The following RRM2 variants were observed in gnomAD, a reference collection of about 807,000 sequenced individuals.
The protein encoded by RRM2 is ribonucleoside-diphosphate reductase subunit M2.
Under a neutral mutation model 45.9 loss-of-function variants are expected in RRM2, and 6 were observed. The ratio of observed to expected loss-of-function variants is 0.13; its 90% CI spans 0.07 to 0.26. The LOEUF (loss-of-function observed/expected upper bound fraction) is 0.26, where lower values mean the gene tolerates loss of function less well. RRM2 is among the 10% of genes least tolerant of loss of function. The probability of loss-of-function intolerance (pLI) is 1.00; values close to 1 mark genes in which losing one functional copy is unlikely to be tolerated. For missense variants in RRM2, 343 were observed against 489.5 expected (o/e 0.70, Z 2.82); for synonymous variants, 177 against 173.0 (o/e 1.02, Z -0.18).
In RRM2 at chr2:10,123,023, CCG is replaced by C; in HGVS notation, c.143_144del (p.Ala48GlufsTer13). ...GGGACCCGCGTCCTGGCCAGCAAGA[CCG>C]CGAGGAGGATCTTCCAGGAGCCCAC... On this transcript the variant is annotated frameshift_variant, in exon 2 of 10. Transcript: ENST00000304567. LOFTEE classifies it high-confidence loss of function. 6.4e-7 allele frequency: 1 copy of C among 1,567,140 alleles called. No individual in the cohort carries two copies. The highest frequency in any genetic ancestry group is 8.6e-7 in the Non-Finnish European group (1 of 1,163,502).
At chr2:10,199,653 G>A (rs905824248) in intron 3 of RRM2, among the ~76,000 whole-genome samples, 7 of 151,564 alleles carry the variant, frequency 4.6e-5, no homozygotes, top group African/African-American at 7.3e-5. Context: ...GGTGGCGGGC[G>A]CCTGAAGTCC....
intron 3 of RRM2, among the ~76,000 whole-genome samples, chr2:10,166,595 C>T (rs1220806241): frequency 1.3e-5 from 2 of 152,200 alleles, no homozygotes; most frequent in Non-Finnish European, 2.9e-5. Context: ...GAATTATGGT[C>T]CCATTTCACA....
rs749460609 is a variant in RRM2 at position 10,122,840 on chromosome 2, G to A, written c.42G>A (p.Pro14=). Residue 14 remains proline, a synonymous_variant, in exon 1 of 10, where the codon CCG becomes CCA. Coordinates refer to ENST00000304567, the MANE Select transcript of RRM2 (RefSeq NM_001034.4). ...TCCCGCTCGCGCCCATCACGGACCC[G>A]CAGCAGCTGCAGCTCTCGCCGCTGA... ...LRVPLAPITD[P]QQLQLSPLKG... The A allele has an allele frequency of 5.0e-6, 8 of 1,600,858 alleles. No homozygotes were observed. The highest frequency in any genetic ancestry group is 1.6e-4 in the Middle Eastern group (1 of 6,062).
At chr2:10,196,398 G>C (rs1190893614) in intron 3 of RRM2, among the ~76,000 whole-genome samples, 1 of 152,180 alleles carries the variant, frequency 6.6e-6, no homozygotes, top group African/African-American at 2.4e-5. Flanking sequence ...ATTAGGGATC[G>C]GCAGAGACCA....
chr2:10,139,587 G>T (rs745475571), upstream of RRM2, among the ~76,000 whole-genome samples: 1 of 152,152 alleles, frequency 6.6e-6, no homozygotes, highest in Admixed American at 6.5e-5. Context: ...AGTGGATTTG[G>T]GGTCTGTTCT....
At chr2:10,143,228 G>A (rs1663120810) in intron 3 of RRM2, among the ~76,000 whole-genome samples, 2 of 152,194 alleles carry the variant, frequency 1.3e-5, no homozygotes, top group South Asian at 4.1e-4. Context: ...CACACAGGCT[G>A]TTCCCTTAGC....
Position 10,129,085 on chromosome 2 carries a change from T to C in RRM2, c.948T>C (p.Asn316=), listed in dbSNP as rs1662843639. The change falls in exon 9 of 10, where the codon AAT becomes AAC. Residue 316 remains asparagine, a synonymous_variant. Transcript: ENST00000304567. The surrounding 1 kb of genome is among the most constrained non-coding windows in gnomAD (Gnocchi z 4.8). ...EALPVKLIGM[N]CTLMKQYIEF... ...TGCCTGTGAAGCTCATTGGGATGAA[T>C]TGCACTCTAATGAAGCAATACATTG... 1 of 1,614,176 alleles carries C rather than the reference T, an allele frequency of 6.2e-7. No individual in the cohort carries two copies. The highest frequency in any genetic ancestry group is 1.1e-5 in the South Asian group (1 of 91,082).
At chr2:10,125,766 T>C (rs1662765547) in intron 5 of RRM2, among the ~76,000 whole-genome samples, 1 of 152,180 alleles carries the variant, frequency 6.6e-6, no homozygotes, top group African/African-American at 2.4e-5. Flanking sequence ...AAGTAGCCGT[T>C]GTAGACTTTG....
At chr2:10,174,402 G>A (rs1252647986) in intron 3 of RRM2, among the ~76,000 whole-genome samples, 2 of 152,138 alleles carry the variant, frequency 1.3e-5, no homozygotes, top group African/African-American at 4.8e-5. Flanking sequence ...CACCAGCCGG[G>A]CCTTCAGTGA....
chr2:10,210,660 A>G, exon 4 of RRM2: 2 of 1,321,898 alleles, frequency 1.5e-6, no homozygotes, highest in Non-Finnish European at 2.0e-6. Flanking sequence ...GGGAAATGGA[A>G]CCCGCAAAGC....
In RRM2 at chr2:10,123,838, G is replaced by A; in HGVS notation, c.421G>A (p.Val141Ile). The change falls in exon 4 of 10, where the codon GTA (valine) becomes ATA (isoleucine). Residue 141 changes from valine (V) to isoleucine (I), a missense_variant. Around this residue, in one of 2 missense-constraint regions of RRM2, gnomAD observed 212 missense variants for 368.1 expected, o/e 0.58. Coordinates refer to ENST00000304567, the MANE Select transcript of RRM2 (RefSeq NM_001034.4). ...TTTCTTTGCAGCAAGCGATGGCATA[G>A]TAAATGAAAACTTGGTGAGTTTCCA... The part of the protein sequence containing the change: ...LAFFAASDGI[V>I]NENLVERFSQ... The A allele has an allele frequency of 6.3e-7, 1 of 1,587,962 alleles. No homozygotes were observed.
intron 3 of RRM2, among the ~76,000 whole-genome samples, chr2:10,147,915 C>T (rs937837275): frequency 6.6e-5 from 10 of 151,998 alleles, no homozygotes; most frequent in South Asian, 2.1e-4. Flanking sequence ...GAGGCTGAGG[C>T]GGGTGGATCA....
chr2:10,196,457 C>T (rs1380940895), intron 3 of RRM2, among the ~76,000 whole-genome samples: 2 of 152,190 alleles, frequency 1.3e-5, no homozygotes, highest in Non-Finnish European at 2.9e-5. Flanking sequence ...TGACCAGCAG[C>T]CGGCACTGCC....
intron 3 of RRM2, among the ~76,000 whole-genome samples, chr2:10,183,700 A>G (rs1664105753): frequency 6.6e-6 from 1 of 151,602 alleles, no homozygotes; most frequent in African/African-American, 2.4e-5. Flanking sequence ...AAATAAAAAA[A>G]TTAGCTGGGC....
chr2:10,184,940 G>C (rs890957980), intron 3 of RRM2, among the ~76,000 whole-genome samples: 1 of 152,134 alleles, frequency 6.6e-6, no homozygotes, highest in Non-Finnish European at 1.5e-5. Context: ...GGAAGACTTG[G>C]GTTTCAGACC....
At chr2:10,160,535 C>T (rs924158091) in intron 3 of RRM2, among the ~76,000 whole-genome samples, 2 of 152,208 alleles carry the variant, frequency 1.3e-5, no homozygotes, top group Admixed American at 1.3e-4. Context: ...TGGGCAGGGG[C>T]TCCTCCCTAG....
chr2:10,132,305 C>T (rs1050170831), downstream of RRM2, among the ~76,000 whole-genome samples: 2 of 152,104 alleles, frequency 1.3e-5, no homozygotes, highest in Non-Finnish European at 2.9e-5. Flanking sequence ...TGGGTTTACT[C>T]CTAGAGAGGA....
Position 10,210,075 on chromosome 2 carries a change from G to A in RRM2, n.483-236G>A, listed in dbSNP as rs74919388. Among the ~76,000 whole-genome samples, 1,121 of 152,192 alleles carry A rather than the reference G, an allele frequency of 7.4e-3. 19 individuals carry two copies. Among genetic ancestry groups the A allele is most frequent in the African/African-American group, 0.025 (1,018 of 41,522 alleles). On this transcript the variant is annotated intron_variant and non_coding_transcript_variant, in intron 3 of 3. Transcript: ENST00000381786. ...CAATGCCCTCCCTCGGGTGAACAAG[G>A]GCCCCTCCTTGTGACCCATGGTGCC...
intron 3 of RRM2, among the ~76,000 whole-genome samples, chr2:10,142,640 C>G (rs1042234382): frequency 0.057 from 6 of 106 alleles, no homozygotes; most frequent in Non-Finnish European, 0.077. Context: ...ATAGCCGTAT[C>G]CCTGCAGGCT....
Sources: allele counts gnomAD v4.1 joint callset (sites outside exome capture counted in the v4.1 genomes callset), GRCh38; gene constraint gnomAD v4.1.1; regional missense constraint gnomAD v4.1.1; non-coding constraint Gnocchi (gnomAD v3.1); transcripts MANE v1.5; gene names NCBI Gene and HGNC (gene_info 2026-07-23, HGNC 2026-07-21).